CPED1: variants seen among roughly 807,000 people sequenced by gnomAD.
CPED1 encodes cadherin like and PC-esterase domain containing 1, also known as cadherin-like and PC-esterase domain-containing protein 1.
A neutral mutation model predicts 128.2 loss-of-function variants in CPED1; 114 were observed. The ratio of observed to expected loss-of-function variants is 0.89; its 90% CI spans 0.76 to 1.04. CPED1 has a LOEUF of 1.04. Ranked by LOEUF, CPED1 falls within the 50% of genes least tolerant of loss-of-function variation. The pLI is 0.00. For missense variants in CPED1, 1,211 were observed against 1,207.1 expected, an observed-to-expected ratio of 1.00 and a Z score of -0.05; for synonymous variants, 462 against 426.7, an observed-to-expected ratio of 1.08 and a Z score of -1.02.
chr7:120,991,154 T>A (rs1796303711), intron 2 of CPED1, among the ~76,000 whole-genome samples: 2 of 152,232 alleles, frequency 1.3e-5, no homozygotes, highest in Admixed American at 6.5e-5. Context: ...CAAAATAACA[T>A]TAAGTTAAAA....
intron 18 of CPED1, among the ~76,000 whole-genome samples, chr7:121,262,159 C>T (rs1235121398): frequency 3.3e-5 from 5 of 152,024 alleles, no homozygotes; most frequent in African/African-American, 7.2e-5. Flanking sequence ...TGCCCTGTGA[C>T]GTGCCTCCTC....
chr7:121,229,995 C>T (rs1263631727), intron 16 of CPED1, among the ~76,000 whole-genome samples: 3 of 151,940 alleles, frequency 2.0e-5, no homozygotes, highest in South Asian at 2.1e-4. Context: ...CCAAACTTTA[C>T]CCTGAATGCA....
intron 22 of CPED1, among the ~76,000 whole-genome samples, chr7:121,281,457 A>G (rs942647782): frequency 4.6e-5 from 7 of 152,176 alleles, no homozygotes; most frequent in African/African-American, 1.7e-4. Context: ...AATTGTGACC[A>G]TTTGTATGCC....
chr7:121,172,815 A>G (rs983290644), intron 16 of CPED1, among the ~76,000 whole-genome samples: 1 of 152,232 alleles, frequency 6.6e-6, no homozygotes, highest in African/African-American at 2.4e-5. Context: ...GAGTAAATGC[A>G]TATGATCGAT....
intron 14 of CPED1, among the ~76,000 whole-genome samples, chr7:121,139,492 C>T (rs1451958656): frequency 1.3e-5 from 2 of 151,510 alleles, no homozygotes; most frequent in African/African-American, 2.4e-5. Flanking sequence ...GTTGGTGGTA[C>T]CCATCGTCAT....
At chr7:121,124,896 T>C (rs1357206382) in intron 8 of CPED1, among the ~76,000 whole-genome samples, 1 of 152,210 alleles carries the variant, frequency 6.6e-6, no homozygotes, top group East Asian at 1.9e-4. Flanking sequence ...CAATAACTCC[T>C]ATTCCCATAT....
rs35159862 is a variant in CPED1 at position 121,044,648 on chromosome 7, C to CTTTTTTTTTTTTTT, written c.434-2238_434-2237insTTTTTTTTTTTTTT. Among the ~76,000 whole-genome samples, 18 of 69,516 alleles carry CTTTTTTTTTTTTTT rather than the reference C, an allele frequency of 2.6e-4. 2 individuals are homozygous for CTTTTTTTTTTTTTT. The highest frequency in any genetic ancestry group is 5.6e-4 in the African/African-American group (11 of 19,734). 45.6% of individuals were successfully genotyped at this position (69,516 alleles called of 152,430 possible). A position where few individuals can be genotyped will look rare whatever the true frequency, so the allele number is the denominator to read the frequency against. ...GATTGCTGAGAGCAGTGACTTTCTG[C>CTTTTTTTTTTTTTT]TCTTTTTTTTTTTTTTTTTTTGCTA... is the stretch of plus-strand genomic sequence containing the variant. On this transcript the variant is annotated intron_variant, in intron 3 of 22. Transcript: ENST00000310396.
intron 16 of CPED1, among the ~76,000 whole-genome samples, chr7:121,165,158 G>C (rs1712069790): frequency 6.6e-6 from 1 of 151,872 alleles, no homozygotes; most frequent in South Asian, 2.1e-4. Context: ...AAACAAAAAG[G>C]AACAAAAAAG....
rs149714091 is a variant in CPED1 at position 121,100,048 on chromosome 7, C to T, written c.872C>T (p.Thr291Met). The T allele has an allele frequency of 1.2e-6, 2 of 1,613,398 alleles. No homozygotes were observed. Among genetic ancestry groups the T allele is most frequent in the African/African-American group, 2.7e-5 (2 of 74,776 alleles). Residue 291 changes from threonine to methionine, a missense_variant, in exon 7 of 23, where the codon ACG becomes ATG. Coordinates refer to ENST00000310396, the MANE Select transcript of CPED1 (RefSeq NM_024913.5). ...CCTTTGCGTGCATTCATTCATTCGA[C>T]GGGCACAGTTTGGAATCCACCAAAG... Reference protein sequence around the residue: ...LTPLRAFIHSTGTVWNPPKKK... With the variant: ...LTPLRAFIHSMGTVWNPPKKK...
chr7:121,148,743 G>A (rs1796082886), intron 16 of CPED1, among the ~76,000 whole-genome samples: 1 of 152,072 alleles, frequency 6.6e-6, no homozygotes, highest in Non-Finnish European at 1.5e-5. Flanking sequence ...ACATGTGTGG[G>A]TCCTAGTCAC....
chr7:121,207,961 C>T (rs1175111536), intron 16 of CPED1, among the ~76,000 whole-genome samples: 2 of 151,960 alleles, frequency 1.3e-5, no homozygotes, highest in Non-Finnish European at 2.9e-5. Flanking sequence ...GGCTCCTTCC[C>T]CACCAACCTA....
chr7:121,178,171 C>G (rs1247095123), intron 16 of CPED1, among the ~76,000 whole-genome samples: 6 of 151,974 alleles, frequency 3.9e-5, no homozygotes, highest in Non-Finnish European at 5.9e-5. Context: ...AATGAACCAC[C>G]AACTGGTGAA....
At chr7:121,285,249 C>T (rs1208790571) in intron 22 of CPED1, among the ~76,000 whole-genome samples, 1 of 152,184 alleles carries the variant, frequency 6.6e-6, no homozygotes. Flanking sequence ...TGAGGCTGCA[C>T]AGAGCATGAG....
chr7:120,996,637 A>G (rs954662132), intron 2 of CPED1, among the ~76,000 whole-genome samples: 1 of 152,120 alleles, frequency 6.6e-6, no homozygotes, highest in Admixed American at 6.6e-5. Context: ...TTATTATACT[A>G]TTATAATTTT....
chr7:121,291,387 G>T lies in CPED1; in HGVS notation c.2869-4053G>T, dbSNP rs186342702. ...TAGCATTGAATCTATAAATTACTTT[G>T]GGCAATATGGCCATTTTCACAATAT... On this transcript the variant is annotated intron_variant, in intron 22 of 22. Coordinates refer to ENST00000310396, the MANE Select transcript of CPED1 (RefSeq NM_024913.5). 7.1e-3 allele frequency among the ~76,000 whole-genome samples: 1,084 copies of T among 152,226 alleles called. 15 individuals carry two copies. The highest frequency in any genetic ancestry group is 0.025 in the African/African-American group (1,037 of 41,526).
intron 2 of CPED1, among the ~76,000 whole-genome samples, chr7:120,991,277 A>C (rs749484378): frequency 2.0e-5 from 3 of 152,262 alleles, no homozygotes; most frequent in Non-Finnish European, 4.4e-5. Context: ...AAGTTGAAAC[A>C]CTTTAAAATG....
At chr7:121,234,151 A>G (rs1018254416) in intron 16 of CPED1, among the ~76,000 whole-genome samples, 3 of 144,138 alleles carry the variant, frequency 2.1e-5, no homozygotes, top group African/African-American at 7.5e-5. Context: ...CTCCAACAAA[A>G]TACAGGTTTT....
At chr7:121,120,425 A>T (rs1795355441) in intron 7 of CPED1, among the ~76,000 whole-genome samples, 1 of 152,164 alleles carries the variant, frequency 6.6e-6, no homozygotes, top group Non-Finnish European at 1.5e-5. Flanking sequence ...TTTTAATATG[A>T]TGCTGGTGCA....
chr7:121,108,817 C>G (rs773967697), intron 7 of CPED1, among the ~76,000 whole-genome samples: 2 of 151,990 alleles, frequency 1.3e-5, no homozygotes, highest in Non-Finnish European at 2.9e-5. Flanking sequence ...CCATAAAACT[C>G]TAGTCTAAGC....
Sources: gnomAD v4.1 joint callset for allele counts (sites outside exome capture counted in the v4.1 genomes callset) on GRCh38, gnomAD v4.1.1 for gene constraint, MANE v1.5 for transcripts, NCBI Gene and HGNC (gene_info 2026-07-23, HGNC 2026-07-21) for gene names.